Variants in PBXIP1 observed in about 807,000 individuals in gnomAD.
The protein encoded by PBXIP1 is pre-B-cell leukemia transcription factor-interacting protein 1.
Under a neutral mutation model 73.7 loss-of-function variants are expected in PBXIP1, and 73 were observed. The observed-to-expected ratio is 0.99, with a 90% CI of 0.82 to 1.20. The LOEUF is 1.20. Ranked by LOEUF, PBXIP1 falls within the 50% of genes most tolerant of loss-of-function variation. The pLI is 0.00. For synonymous variants in PBXIP1, 330 were observed against 366.9 expected, an observed-to-expected ratio of 0.90 and a Z score of 1.15; for missense variants, 818 against 911.4, an observed-to-expected ratio of 0.90 and a Z score of 1.32.
chr1:154,951,463 C>T lies in PBXIP1; in HGVS notation c.243+8G>A. On this transcript the variant is annotated splice_region_variant and intron_variant, in intron 4 of 10. Transcript: ENST00000368463. This position sits in a 1 kb window ranked among gnomAD's most constrained non-coding sequence, Gnocchi z 4.3. ...GCCTCCCTTCCTTCCCACAGCAAAT[C>T]TCCTCACCTTGACCTCAGTCTCCTC... is the stretch of plus-strand genomic sequence containing the variant. The T allele has an allele frequency of 6.2e-7, 1 of 1,614,054 alleles. No homozygotes were observed. Among genetic ancestry groups the T allele is most frequent in the Non-Finnish European group, 8.5e-7 (1 of 1,179,924 alleles).
At chr1:154,947,611 C>A in intron 8 of PBXIP1, 31 bp downstream of exon 8, 1 of 1,611,736 alleles carries the variant, frequency 6.2e-7, no homozygotes, top group Non-Finnish European at 8.5e-7. Flanking sequence ...CCAGCCAGGC[C>A]CCACCTGCCT....
At chr1:154,947,612 C>T in intron 8 of PBXIP1, 30 bp downstream of exon 8, 8 of 1,612,232 alleles carry the variant, frequency 5.0e-6, no homozygotes, top group Non-Finnish European at 6.8e-6. Flanking sequence ...CAGCCAGGCC[C>T]CACCTGCCTC....
In PBXIP1 at chr1:154,947,668, CCT is replaced by C; in HGVS notation, c.710_711del (p.Glu237GlyfsTer23). 6.2e-7 allele frequency: 1 copy of C among 1,613,980 alleles called. No homozygotes were observed. The highest frequency in any genetic ancestry group is 8.5e-7 in the Non-Finnish European group (1 of 1,179,988). ...EVERQVLPDP[E>X]VLEAVGDRQD... ...TGCCTGTCCCCCACAGCTTCCAGCA[CCT>C]CGGGGTCTGGGAGGACCTGCCGCTC... On this transcript the variant is annotated frameshift_variant, in exon 8 of 11. Transcript: ENST00000368463. LOFTEE classifies it high-confidence loss of function.
At chr1:154,953,252 G>A (rs1364447295) in intron 2 of PBXIP1, among the ~76,000 whole-genome samples, 1 of 152,148 alleles carries the variant, frequency 6.6e-6, no homozygotes, top group Non-Finnish European at 1.5e-5. Flanking sequence ...GAAGGCCTCA[G>A]CCAGGCTCTT....
At chr1:154,945,278 G>A (rs1654764413) in intron 10 of PBXIP1, among the ~76,000 whole-genome samples, 161 bp from the exon 11 acceptor site, 1 of 152,204 alleles carries the variant, frequency 6.6e-6, no homozygotes, top group African/African-American at 2.4e-5. Context: ...TCCAGTCGGG[G>A]AGACAGGAAG....
At chr1:154,954,939 A>G (rs1655131748) in intron 1 of PBXIP1, 3 of 980,994 alleles carry the variant, frequency 3.1e-6, no homozygotes, top group Admixed American at 6.1e-5. Context: ...AGGCTGGGAG[A>G]GTATGGCAGT....
chr1:154,954,892 C>T (rs1481855874), intron 1 of PBXIP1: 7 of 792,498 alleles, frequency 8.8e-6, no homozygotes, highest in Non-Finnish European at 1.1e-5. Flanking sequence ...GACTGCTTCC[C>T]GAGCACTTTA....
rs938035692 is a variant in PBXIP1 at position 154,951,148 on chromosome 1, C to T, written c.409+84G>A. 6.9e-6 allele frequency: 9 copies of T among 1,303,276 alleles called. No individual in the cohort carries two copies. Among genetic ancestry groups the T allele is most frequent in the Non-Finnish European group, 9.8e-6 (9 of 914,132 alleles). 80.7% of individuals were successfully genotyped at this position (1,303,276 alleles called of 1,614,324 possible). ...CTGCTCAGCCCTAGGGCCTGGACCA[C>T]AGCATGTGCTCAGTAGTGATGGCTG... On this transcript the variant is annotated intron_variant, in intron 5 of 10. Coordinates refer to ENST00000368463, the MANE Select transcript of PBXIP1 (RefSeq NM_020524.4). The surrounding 1 kb of genome is among the most constrained non-coding windows in gnomAD (Gnocchi z 4.3).
chr1:154,946,474 C>A lies in PBXIP1; in HGVS notation c.1200G>T (p.Arg400Ser). 2 of 1,608,614 alleles carry A rather than the reference C, an allele frequency of 1.2e-6. No individual in the cohort carries two copies. The highest frequency in any genetic ancestry group is 1.7e-6 in the Non-Finnish European group (2 of 1,179,984). Reference sequence around the variant, plus strand: ...GTACAGACCCCAGCAGCCGTCGCTGCCTCTCTAACTCTTGCCTTAATGCCT... The same window carrying A: ...GTACAGACCCCAGCAGCCGTCGCTGACTCTCTAACTCTTGCCTTAATGCCT... ...EAQALRQELE[R>S]QRRLLGSVQQ... Residue 400 changes from arginine (R) to serine (S), a missense_variant, in exon 10 of 11, where the codon AGG becomes AGT. Transcript: ENST00000368463.
Position 154,948,024 on chromosome 1 carries a change from G to A in PBXIP1, c.644-19C>T. On this transcript the variant is annotated intron_variant, in intron 6 of 10. Transcript: ENST00000368463. ...AGGCCACCTAAGGACAGAGACAGAG[G>A]AGTCTGATGAGGCCCTCGGGGAGGG... 2 of 1,611,420 alleles carry A rather than the reference G, an allele frequency of 1.2e-6. No individual in the cohort carries two copies. Among genetic ancestry groups the A allele is most frequent in the African/African-American group, 1.3e-5 (1 of 74,872 alleles).
At chr1:154,952,768 C>T (rs1004737089) in intron 2 of PBXIP1, among the ~76,000 whole-genome samples, 1 of 152,106 alleles carries the variant, frequency 6.6e-6, no homozygotes, top group African/African-American at 2.4e-5. Flanking sequence ...AACAGGAGGC[C>T]AGGGCTCTGA....
At chr1:154,947,009 C>G (rs1654849343) in intron 9 of PBXIP1, 2 of 548,174 alleles carry the variant, frequency 3.6e-6, no homozygotes, top group Admixed American at 3.6e-5. Context: ...CCATCCTGAG[C>G]CTCGGCATCT....
At chr1:154,947,856 C>T (rs1654881933) in intron 7 of PBXIP1, 126 bp downstream of exon 7, 3 of 1,351,928 alleles carry the variant, frequency 2.2e-6, no homozygotes, top group Admixed American at 1.8e-5. Flanking sequence ...CCAAGGGGCA[C>T]CCTGAACAGC....
chr1:154,945,760 G>A lies in PBXIP1; in HGVS notation c.1914C>T (p.Leu638=), dbSNP rs1558036913. The A allele has an allele frequency of 6.2e-7, 1 of 1,614,256 alleles. No homozygotes were observed. The highest frequency in any genetic ancestry group is 1.7e-5 in the Admixed American group (1 of 60,032). The part of the protein sequence containing the change: ...WAGQLTKELP[L]SPAFFGEDGI... ...CATCCTCACCAAAGAAAGCAGGTGA[G>A]AGGGGTAGCTCCTTGGTCAGCTGCC... The change falls in exon 10 of 11, where the codon CTC becomes CTT. Residue 638 remains leucine, a synonymous_variant. Coordinates refer to ENST00000368463, the MANE Select transcript of PBXIP1 (RefSeq NM_020524.4).
chr1:154,953,335 C>T (rs775406537), intron 2 of PBXIP1, among the ~76,000 whole-genome samples: 21 of 152,162 alleles, frequency 1.4e-4, no homozygotes, highest in Non-Finnish European at 2.5e-4. Context: ...CACGTCTCCA[C>T]ATCACCCATG....
intron 1 of PBXIP1, chr1:154,954,980 TTC>T: frequency 1.0e-6 from 1 of 984,566 alleles, no homozygotes. Context: ...CATTATCCCC[TTC>T]TGTTTGAGCT....
chr1:154,947,729 C>T lies in PBXIP1; in HGVS notation c.668-17G>A, dbSNP rs757630974. The T allele has an allele frequency of 1.2e-6, 2 of 1,611,018 alleles. No homozygotes were observed. Among genetic ancestry groups the T allele is most frequent in the Admixed American group, 3.3e-5 (2 of 59,960 alleles). On this transcript the variant is annotated splice_polypyrimidine_tract_variant and intron_variant, in intron 7 of 10. Transcript: ENST00000368463. ...CCATGGGCCCTGTGGGAAAGGGAAA[C>T]CCTGAAACTGGTCCTGAGGCACACA... is the stretch of plus-strand genomic sequence containing the variant.
At chr1:154,945,149 T>C (rs1163119875) in intron 10 of PBXIP1, 32 bp from the exon 11 acceptor site, 1 of 1,530,378 alleles carries the variant, frequency 6.5e-7, no homozygotes, top group Non-Finnish European at 9.0e-7. Flanking sequence ...TAGGGGACAA[T>C]ACCATGCAAT....
chr1:154,946,952 C>A, intron 9 of PBXIP1, 149 bp from the exon 10 acceptor site: 1 of 667,402 alleles, frequency 1.5e-6, no homozygotes, highest in Non-Finnish European at 2.5e-6. Flanking sequence ...TGGTTTTCAT[C>A]CTCCACCCCA....
Sources: allele counts gnomAD v4.1 joint callset (sites outside exome capture counted in the v4.1 genomes callset), GRCh38; gene constraint gnomAD v4.1.1; non-coding constraint Gnocchi (gnomAD v3.1); transcripts MANE v1.5; gene names NCBI Gene and HGNC (gene_info 2026-07-23, HGNC 2026-07-21).